The following TAS2R1 variants were observed in gnomAD, a reference collection of about 807,000 sequenced individuals.
The protein encoded by TAS2R1 is taste 2 receptor member 1.
For missense variants in TAS2R1, 370 were observed against 353.4 expected, an observed-to-expected ratio of 1.05 and a Z score of -0.38; for synonymous variants, 141 against 134.2, an observed-to-expected ratio of 1.05 and a Z score of -0.35.
At chr5:9,630,690 G>A (rs141148589), upstream of TAS2R1, among the ~76,000 whole-genome samples, 620 of 152,264 alleles carry the variant, frequency 4.1e-3, 7 homozygotes, top group African/African-American at 0.014. Flanking sequence ...AGAAAAGTAA[G>A]GTGTAATGAA....
chr5:9,736,267 C>T, the TAS2R1 span, among the ~76,000 whole-genome samples: 1 of 152,198 alleles, frequency 6.6e-6, no homozygotes, highest in Non-Finnish European at 1.5e-5. Flanking sequence ...TTTTAGCTTT[C>T]CTGGCTGTGG....
the TAS2R1 span, among the ~76,000 whole-genome samples, chr5:9,864,903 G>A: frequency 5.6e-3 from 847 of 152,260 alleles, 4 homozygotes; most frequent in Middle Eastern, 0.017. Flanking sequence ...ATAACCAAGC[G>A]AGGGCACTAG....
chr5:9,669,439 C>T (rs1241221458), intron 1 of TAS2R1, among the ~76,000 whole-genome samples: 1 of 152,064 alleles, frequency 6.6e-6, no homozygotes, highest in African/African-American at 2.4e-5. Context: ...AACTCTGTAC[C>T]CCAAAACAAC....
the TAS2R1 span, among the ~76,000 whole-genome samples, chr5:9,792,856 A>G: frequency 2.2e-4 from 34 of 152,316 alleles, no homozygotes; most frequent in African/African-American, 7.7e-4. Context: ...TCTGCTTTTC[A>G]TCTTTAAACT....
At chr5:9,658,460 C>T (rs77287717) in intron 2 of TAS2R1, 2 of 152,302 alleles carry the variant, frequency 1.3e-5, no homozygotes, top group Non-Finnish European at 2.9e-5. Context: ...TGGACTCCAT[C>T]CCAAGAGAGT....
the TAS2R1 span, among the ~76,000 whole-genome samples, chr5:9,852,731 C>T: frequency 6.6e-6 from 1 of 152,162 alleles, no homozygotes; most frequent in Non-Finnish European, 1.5e-5. Context: ...TACGTGGGTT[C>T]ATTCACAGCA....
upstream of TAS2R1, among the ~76,000 whole-genome samples, chr5:9,715,337 G>A (rs1016704695): frequency 2.0e-5 from 3 of 152,340 alleles, no homozygotes; most frequent in Non-Finnish European, 4.4e-5. Flanking sequence ...GCTACAGCAG[G>A]TGGTTGAACC....
chr5:9,710,544 G>T (rs1741709318), intron 1 of TAS2R1, among the ~76,000 whole-genome samples: 1 of 152,058 alleles, frequency 6.6e-6, no homozygotes. Context: ...AGCTAGAAAA[G>T]GTTTCCGCAC....
At chr5:9,802,052 G>T in the TAS2R1 span, among the ~76,000 whole-genome samples, 2 of 152,174 alleles carry the variant, frequency 1.3e-5, no homozygotes, top group Non-Finnish European at 2.9e-5. Context: ...GGGCAAGCTT[G>T]CATCTTCCTT....
chr5:9,725,654 C>T, the TAS2R1 span, among the ~76,000 whole-genome samples: 2 of 151,406 alleles, frequency 1.3e-5, no homozygotes, highest in Non-Finnish European at 2.9e-5. Context: ...CCCCGACGAG[C>T]ACCGCCCCCT....
At chr5:9,885,750 G>A in the TAS2R1 span, among the ~76,000 whole-genome samples, 1 of 152,194 alleles carries the variant, frequency 6.6e-6, no homozygotes, top group African/African-American at 2.4e-5. Flanking sequence ...AAAGTTGGGT[G>A]TGGGGAGAAT....
At chr5:9,842,159 T>C in the TAS2R1 span, among the ~76,000 whole-genome samples, 1 of 151,042 alleles carries the variant, frequency 6.6e-6, no homozygotes, top group African/African-American at 2.4e-5. Context: ...GTCTCTACTG[T>C]CCTTTGTTTT....
At chr5:9,903,580 T>C in the TAS2R1 span, 1 of 152,008 alleles carries the variant, frequency 6.6e-6, no homozygotes, top group Non-Finnish European at 1.5e-5. Flanking sequence ...TGATGTTTGG[T>C]TTTCCATTTC....
At chr5:9,827,334 A>G in the TAS2R1 span, among the ~76,000 whole-genome samples, 44,876 of 152,048 alleles carry the variant, frequency 0.3, 7,293 homozygotes, top group Non-Finnish European at 0.38. Flanking sequence ...AGTCCAGTCC[A>G]TCTCCTGGAT....
chr5:9,749,217 C>T, the TAS2R1 span, among the ~76,000 whole-genome samples: 5 of 152,172 alleles, frequency 3.3e-5, no homozygotes, highest in African/African-American at 7.2e-5. Flanking sequence ...AGTCAAGGCA[C>T]AGCCCTCTCA....
At chr5:9,862,664 G>A in the TAS2R1 span, among the ~76,000 whole-genome samples, 11 of 152,170 alleles carry the variant, frequency 7.2e-5, no homozygotes, top group Non-Finnish European at 1.3e-4. Flanking sequence ...ATGCAGTGGC[G>A]TGATCTCAGC....
chr5:9,871,287 T>C, the TAS2R1 span, among the ~76,000 whole-genome samples: 3 of 152,228 alleles, frequency 2.0e-5, no homozygotes, highest in East Asian at 1.9e-4. Context: ...ACAGGCAAGA[T>C]AGACTACCAG....
At chr5:9,782,624 G>C in the TAS2R1 span, among the ~76,000 whole-genome samples, 1 of 152,182 alleles carries the variant, frequency 6.6e-6, no homozygotes, top group Non-Finnish European at 1.5e-5. Context: ...CAGCTGCAGG[G>C]ACCTTGTCTT....
At chr5:9,737,915 T>A in the TAS2R1 span, among the ~76,000 whole-genome samples, 6 of 152,140 alleles carry the variant, frequency 3.9e-5, no homozygotes, top group Non-Finnish European at 7.3e-5. Flanking sequence ...TTCCTCTAAT[T>A]CCCTGTGTTG....
Sources: allele counts gnomAD v4.1 joint callset (sites outside exome capture counted in the v4.1 genomes callset), GRCh38; gene constraint gnomAD v4.1.1; transcripts MANE v1.5; gene names NCBI Gene and HGNC (gene_info 2026-07-23, HGNC 2026-07-21).